CNTN3: variants seen among roughly 807,000 people sequenced by gnomAD.
CNTN3 encodes contactin 3, also known as contactin-3.
A neutral mutation model predicts 119.1 loss-of-function variants in CNTN3; 60 were observed. The observed-to-expected ratio is 0.50, with a 90% CI of 0.41 to 0.62. CNTN3 has a LOEUF of 0.62. CNTN3 is among the 20% of genes least tolerant of loss of function. The pLI, the probability that CNTN3 is intolerant of heterozygous loss-of-function variation, is 0.00. For missense variants in CNTN3, 1,101 were observed against 1,242.4 expected (o/e 0.89, Z 1.71); for synonymous variants, 450 against 438.7 (o/e 1.03, Z -0.32).
chr3:74,463,900 T>TCCATCAGCCA (rs1455120786), intron 4 of CNTN3, among the ~76,000 whole-genome samples: 1 of 152,174 alleles, frequency 6.6e-6, no homozygotes, highest in Non-Finnish European at 1.5e-5. Flanking sequence ...AAATGGTGGT[T>TCCATCAGCCA]AGTAGCCAAG....
chr3:74,364,436 T>G, intron 10 of CNTN3, 31 bp downstream of exon 10: 1 of 1,591,066 alleles, frequency 6.3e-7, no homozygotes, highest in Non-Finnish European at 8.6e-7. Flanking sequence ...AGACAAAAAA[T>G]TAAGAGAAGA....
chr3:74,331,112 T>C (rs748361443), intron 13 of CNTN3, among the ~76,000 whole-genome samples: 1 of 152,232 alleles, frequency 6.6e-6, no homozygotes, highest in Non-Finnish European at 1.5e-5. Flanking sequence ...TGTACAGCAA[T>C]GTCCTAGCCT....
chr3:74,514,769 T>C (rs927063046), intron 2 of CNTN3, among the ~76,000 whole-genome samples: 1 of 152,110 alleles, frequency 6.6e-6, no homozygotes, highest in Non-Finnish European at 1.5e-5. Context: ...GTTCTTTCAC[T>C]ATGCATTGTC....
rs984317387 is a variant in CNTN3 at position 74,355,055 on chromosome 3, T to G, written c.1364+6835A>C. Among the ~76,000 whole-genome samples the G allele has an allele frequency of 3.6e-4, 55 of 152,216 alleles. 1 individual carries two copies. Among genetic ancestry groups the G allele is most frequent in the African/African-American group, 1.3e-3 (52 of 41,466 alleles). On this transcript the variant is annotated intron_variant, in intron 11 of 22. Coordinates refer to ENST00000263665, the MANE Select transcript of CNTN3 (RefSeq NM_020872.3). ...TCTTTCTCCTAAGTTCCAGATTCAG[T>G]CAACCTTTGTATGCACGGATATATC...
intron 4 of CNTN3, among the ~76,000 whole-genome samples, chr3:74,447,046 A>G (rs1702062310): frequency 6.6e-6 from 1 of 152,210 alleles, no homozygotes; most frequent in African/African-American, 2.4e-5. Flanking sequence ...GTCTCCTAGC[A>G]GTGTACAGAT....
chr3:74,300,026 A>G, intron 16 of CNTN3, 88 bp from the exon 17 acceptor site: 1 of 785,662 alleles, frequency 1.3e-6, no homozygotes, highest in East Asian at 3.0e-5. Context: ...TTTAATATTT[A>G]AAATAATTTC....
At chr3:74,543,397 A>T (rs1703869169) in intron 1 of CNTN3, among the ~76,000 whole-genome samples, 1 of 152,178 alleles carries the variant, frequency 6.6e-6, no homozygotes, top group Non-Finnish European at 1.5e-5. Context: ...TGCTCCAGGC[A>T]AAGTGCTAGT....
chr3:74,336,616 C>T lies in CNTN3; in HGVS notation c.1407G>A (p.Val469=), dbSNP rs1703402316. 1.2e-6 allele frequency: 2 copies of T among 1,611,764 alleles called. No homozygotes were observed. Among genetic ancestry groups the T allele is most frequent in the African/African-American group, 1.3e-5 (1 of 74,854 alleles). The change falls in exon 12 of 23, where the codon GTG becomes GTA. Residue 469 remains valine, a synonymous_variant. Transcript: ENST00000263665. ...LNDGGLKIAN[V]TKADAGTYTC... ...TGTAAGTTCCAGCATCAGCTTTAGT[C>T]ACATTGGCTATTTTGAGTCCTCCAT...
chr3:74,265,717 A>G (rs138754491), intron 22 of CNTN3, among the ~76,000 whole-genome samples: 1 of 152,160 alleles, frequency 6.6e-6, no homozygotes, highest in African/African-American at 2.4e-5. Flanking sequence ...GATTAAAGAC[A>G]AAAGTTTCAG....
chr3:74,611,786 C>T (rs556696624), intron 1 of CNTN3, among the ~76,000 whole-genome samples: 9 of 152,208 alleles, frequency 5.9e-5, no homozygotes, highest in African/African-American at 1.9e-4. Flanking sequence ...CAAGTGAGCA[C>T]CTTAAAGATG....
At chr3:74,365,491 A>T in intron 9 of CNTN3, 75 bp downstream of exon 9, 1 of 1,585,460 alleles carries the variant, frequency 6.3e-7, no homozygotes. Context: ...TAAAGAAAGC[A>T]TTTGCTAAAC....
intron 2 of CNTN3, among the ~76,000 whole-genome samples, chr3:74,518,128 C>T (rs941413249): frequency 1.3e-5 from 2 of 151,930 alleles, no homozygotes; most frequent in African/African-American, 4.8e-5. Context: ...ACTCTAATAG[C>T]ACTTGCAATA....
At chr3:74,461,739 A>G (rs1158136641) in intron 4 of CNTN3, among the ~76,000 whole-genome samples, 1 of 152,112 alleles carries the variant, frequency 6.6e-6, no homozygotes, top group Admixed American at 6.6e-5. Flanking sequence ...CAAAAAATTG[A>G]GGAACTGGAA....
chr3:74,597,046 C>T (rs1225507735), intron 1 of CNTN3, among the ~76,000 whole-genome samples: 3 of 152,030 alleles, frequency 2.0e-5, no homozygotes, highest in Non-Finnish European at 4.4e-5. Context: ...ACACTCCATC[C>T]ATTCCATTTA....
In CNTN3 at chr3:74,334,772, A is replaced by G. The variant is rs1703346986; in HGVS notation, c.1631T>C (p.Phe544Ser). ...TWYFNGALAD[F>S]KKDGSHFEKV... The stretch of plus-strand genomic sequence containing the variant: ...CTCAAAGTGAGATCCATCTTTCTTA[A>G]AATCTGCAAGGGCCCCATTGAAATA... The change falls in exon 13 of 23, where the codon TTT becomes TCT. Residue 544 changes from phenylalanine (F) to serine (S), a missense_variant. Transcript: ENST00000263665. The G allele has an allele frequency of 4.3e-6, 7 of 1,613,518 alleles. No individual in the cohort carries two copies. Among genetic ancestry groups the G allele is most frequent in the Middle Eastern group, 1.7e-4 (1 of 6,052 alleles).
At chr3:74,304,207 G>A (rs1702515011) in intron 13 of CNTN3, among the ~76,000 whole-genome samples, 1 of 152,138 alleles carries the variant, frequency 6.6e-6, no homozygotes, top group Non-Finnish European at 1.5e-5. Flanking sequence ...AGACAGATGG[G>A]AAATGATTGA....
intron 5 of CNTN3, among the ~76,000 whole-genome samples, chr3:74,408,185 A>C (rs1359436765): frequency 6.6e-6 from 1 of 152,170 alleles, no homozygotes; most frequent in Non-Finnish European, 1.5e-5. Flanking sequence ...AAAGGAAATT[A>C]ATTTCCCACT....
At chr3:74,403,431 C>G (rs1705248039) in intron 5 of CNTN3, among the ~76,000 whole-genome samples, 1 of 152,120 alleles carries the variant, frequency 6.6e-6, no homozygotes, top group Non-Finnish European at 1.5e-5. Context: ...AGAAAAGTCA[C>G]AAAGCACTAG....
At chr3:74,420,463 A>G (rs934652569) in intron 5 of CNTN3, among the ~76,000 whole-genome samples, 2 of 152,224 alleles carry the variant, frequency 1.3e-5, no homozygotes, top group Non-Finnish European at 2.9e-5. Flanking sequence ...TAAACAAAAG[A>G]AAGTTATAAA....
Sources: gnomAD v4.1 joint callset for allele counts (sites outside exome capture counted in the v4.1 genomes callset) on GRCh38, gnomAD v4.1.1 for gene constraint, MANE v1.5 for transcripts, NCBI Gene and HGNC (gene_info 2026-07-23, HGNC 2026-07-21) for gene names.